The following CCM2 variants were observed in gnomAD, a reference collection of about 807,000 sequenced individuals.
The protein encoded by CCM2 is CCM2 scaffold protein.
A neutral mutation model predicts 44.9 loss-of-function variants in CCM2; 25 were observed. The observed-to-expected ratio is 0.56, with a 90% CI of 0.41 to 0.78. The LOEUF (loss-of-function observed/expected upper bound fraction) is 0.78, where lower values mean the gene tolerates loss of function less well. CCM2 is among the 30% of genes least tolerant of loss of function. The pLI is 0.00. For missense variants in CCM2, 481 were observed against 580.6 expected (o/e 0.83, Z 1.76); for synonymous variants, 219 against 241.1 (o/e 0.91, Z 0.85).
chr7:45,037,498 A>G (rs1170636759), intron 1 of CCM2, among the ~76,000 whole-genome samples: 3 of 146,986 alleles, frequency 2.0e-5, no homozygotes, highest in African/African-American at 5.1e-5. Flanking sequence ...GCTCACTGCA[A>G]TCTCCGCCTC....
chr7:45,066,283 G>A (rs1430853724), intron 4 of CCM2, among the ~76,000 whole-genome samples: 1 of 152,108 alleles, frequency 6.6e-6, no homozygotes, highest in Non-Finnish European at 1.5e-5. Flanking sequence ...TACATAAGGT[G>A]TGCTGTGTTT....
intron 1 of CCM2, 104 bp downstream of exon 1, chr7:45,000,467 A>AGGGGG (rs1795558032): frequency 5.1e-4 from 13 of 25,724 alleles, no homozygotes; most frequent in African/African-American, 4.3e-3. Context: ...GGGGGGGGGC[A>AGGGGG]GTGGGCCAGC....
At chr7:45,005,671 G>A (rs1216344681) in intron 1 of CCM2, among the ~76,000 whole-genome samples, 1 of 152,230 alleles carries the variant, frequency 6.6e-6, no homozygotes, top group Admixed American at 6.5e-5. Context: ...AGATAACTTG[G>A]TCATGCCTTG....
chr7:45,008,289 C>T (rs1322191740), intron 1 of CCM2, among the ~76,000 whole-genome samples: 6 of 151,402 alleles, frequency 4.0e-5, no homozygotes, highest in Non-Finnish European at 7.4e-5. Context: ...CCACCCGCCT[C>T]GTCCTCCCGA....
chr7:45,064,452 G>C lies in CCM2; in HGVS notation c.289-11G>C. ...GAGTCTGTATTTCTGATGCCCTGTG[G>C]TTCCTTCCAGAGAGCCCACCAGCTT... On this transcript the variant is annotated splice_polypyrimidine_tract_variant and intron_variant, in intron 3 of 9. Transcript: ENST00000258781. 1 of 1,612,600 alleles carries C rather than the reference G, an allele frequency of 6.2e-7. No homozygotes were observed. The highest frequency in any genetic ancestry group is 8.5e-7 in the Non-Finnish European group (1 of 1,179,810).
chr7:45,043,857 T>C lies in CCM2; in HGVS notation c.204+5431T>C, dbSNP rs73694263. 1,639 of 272,406 alleles carry C rather than the reference T, an allele frequency of 6.0e-3. 26 individuals are homozygous for C. The highest frequency in any genetic ancestry group is 0.037 in the African/African-American group (1,570 of 42,918). 16.9% of individuals were successfully genotyped at this position (272,406 alleles called of 1,614,324 possible). A position where few individuals can be genotyped will look rare whatever the true frequency, so the allele number is the denominator to read the frequency against. ...TGAATTCATTCCTCAACTGTATTCA[T>C]TCAACCCTGAATTAAATTGTTTGTT... On this transcript the variant is annotated intron_variant, in intron 2 of 9. Transcript: ENST00000258781.
At chr7:45,038,162 GT>G in intron 1 of CCM2, 90 bp from the exon 2 acceptor site, 1 of 1,453,568 alleles carries the variant, frequency 6.9e-7, no homozygotes, top group Middle Eastern at 1.7e-4. Context: ...GGCCATGGTA[GT>G]AGTTTTGGCT....
upstream of CCM2, chr7:44,999,823 C>T (rs1343886070): frequency 3.0e-6 from 1 of 338,278 alleles, no homozygotes; most frequent in East Asian, 9.5e-5. Flanking sequence ...CTCCCGCGCG[C>T]GCTGAGTGGG....
chr7:45,072,935 A>G (rs745348653), intron 7 of CCM2, 152 bp downstream of exon 7: 300 of 722,598 alleles, frequency 4.2e-4, no homozygotes, highest in Non-Finnish European at 5.4e-4. Context: ...TGAATGGCTG[A>G]GGCCTGGCTC....
chr7:45,074,330 C>T lies in CCM2; in HGVS notation c.976C>T (p.Arg326Cys). Residue 326 changes from arginine (R) to cysteine (C), a missense_variant, in exon 9 of 10, where the codon CGC becomes TGC. Physicochemically the swap from Arg to Cys is radical, Grantham distance 180 (BLOSUM62 -3). Transcript: ENST00000258781. ...GTTTGCAGCACTGCTGCACGAGTAC[C>T]GCAATGGGGCCTCTATCCACGAGTT... ...QQFAALLHEYRNGASIHEFCI... is the reference protein window; with the variant it reads ...QQFAALLHEYCNGASIHEFCI... The T allele has an allele frequency of 6.2e-7, 1 of 1,613,788 alleles. No homozygotes were observed. The highest frequency in any genetic ancestry group is 1.3e-5 in the African/African-American group (1 of 75,070).
chr7:45,043,813 C>A (rs1259014768), intron 2 of CCM2: 1 of 342,888 alleles, frequency 2.9e-6, no homozygotes, highest in East Asian at 1.1e-4. Context: ...GGGAATGTTT[C>A]AAACCACTCT....
At chr7:45,032,515 C>G (rs1483792408) in intron 1 of CCM2, among the ~76,000 whole-genome samples, 1 of 152,168 alleles carries the variant, frequency 6.6e-6, no homozygotes, top group Non-Finnish European at 1.5e-5. Flanking sequence ...TTTGGAGCAT[C>G]CTGTGTGTCT....
chr7:45,019,297 ACTC>A (rs1796390192), intron 1 of CCM2, among the ~76,000 whole-genome samples: 1 of 148,454 alleles, frequency 6.7e-6, no homozygotes, highest in Admixed American at 6.7e-5. Context: ...CTGGTCTTGA[ACTC>A]CTGGCCTCAA....
chr7:45,032,353 T>G, intron 1 of CCM2, among the ~76,000 whole-genome samples: 1 of 152,090 alleles, frequency 6.6e-6, no homozygotes, highest in East Asian at 1.9e-4. Flanking sequence ...CTGAAGCGCC[T>G]TGGCATGCCC....
intron 1 of CCM2, among the ~76,000 whole-genome samples, chr7:45,021,731 G>T (rs1583863600): frequency 2.0e-5 from 3 of 151,926 alleles, no homozygotes; most frequent in South Asian, 4.2e-4. Flanking sequence ...AGGGGAAGAT[G>T]AGACAGGGAG....
intron 1 of CCM2, among the ~76,000 whole-genome samples, chr7:45,036,564 C>A (rs1797228351): frequency 6.6e-6 from 1 of 152,144 alleles, no homozygotes; most frequent in Non-Finnish European, 1.5e-5. Context: ...ATTAGGGAGG[C>A]AGCTGCAGGG....
intron 1 of CCM2, among the ~76,000 whole-genome samples, chr7:45,006,545 C>T (rs1450476966): frequency 2.6e-5 from 4 of 152,020 alleles, no homozygotes; most frequent in African/African-American, 7.2e-5. Context: ...GGGGTTTCAC[C>T]GTATTAGCCA....
rs973845149 is a variant in CCM2, at chr7:45,034,612, C to T, written c.31-3641C>T. Among the ~76,000 whole-genome samples, 7 of 147,100 alleles carry T rather than the reference C, an allele frequency of 4.8e-5. No homozygotes were observed. In the South Asian group the frequency reaches 6.6e-4, roughly 14 times the overall value. On this transcript the variant is annotated intron_variant, in intron 1 of 9. Coordinates refer to ENST00000258781, the MANE Select transcript of CCM2 (RefSeq NM_031443.4). ...CGGCTCACTGCAACCTCCGCTTCCC[C>T]GGTTCAAGCAATTCTCCTGCCTCAG...
chr7:45,064,215 A>C (rs1362504831), intron 3 of CCM2, among the ~76,000 whole-genome samples: 4 of 152,190 alleles, frequency 2.6e-5, no homozygotes, highest in Non-Finnish European at 4.4e-5. Context: ...CAAAATTTAC[A>C]CTTTCAAGAT....
Sources: gnomAD v4.1 joint callset for allele counts (sites outside exome capture counted in the v4.1 genomes callset) on GRCh38, gnomAD v4.1.1 for gene constraint, MANE v1.5 for transcripts, NCBI Gene and HGNC (gene_info 2026-07-23, HGNC 2026-07-21) for gene names.